ALMS1: variants seen among roughly 807,000 people sequenced by gnomAD.
ALMS1 encodes centrosome-associated protein ALMS1.
ALMS1 carries 271 observed loss-of-function variants against 352.2 expected under a neutral mutation model. The ratio of observed to expected loss-of-function variants is 0.77; its 90% CI spans 0.70 to 0.85. The LOEUF (loss-of-function observed/expected upper bound fraction) is 0.85, where lower values mean the gene tolerates loss of function less well. ALMS1 is among the 40% of genes least tolerant of loss of function. ALMS1 has a pLI of 0.00. For synonymous variants in ALMS1, 1,865 were observed against 1,761.2 expected, an observed-to-expected ratio of 1.06 and a Z score of -1.48; for missense variants, 5,445 against 4,870.7, an observed-to-expected ratio of 1.12 and a Z score of -3.51.
chr2:73,472,997 C>T (rs1369101060), intron 9 of ALMS1, among the ~76,000 whole-genome samples: 2 of 151,940 alleles, frequency 1.3e-5, no homozygotes, highest in Non-Finnish European at 2.9e-5. Flanking sequence ...CAGGAAGGAA[C>T]GGTTGAAAAG....
chr2:73,571,811 T>A (rs1449141094), intron 15 of ALMS1, among the ~76,000 whole-genome samples: 1 of 152,098 alleles, frequency 6.6e-6, no homozygotes, highest in Non-Finnish European at 1.5e-5. Flanking sequence ...TTTTAAAAAA[T>A]TTATCCATTT....
Position 73,452,041 on chromosome 2 carries a change from C to T in ALMS1, c.5514C>T (p.Asp1838=). The T allele has an allele frequency of 6.2e-7, 1 of 1,614,034 alleles. No individual in the cohort carries two copies. The highest frequency in any genetic ancestry group is 8.5e-7 in the Non-Finnish European group (1 of 1,179,980). ...TTTTAAGAGTTCCTGGACCAGCTGA[C>T]CAGAAGACTGGAATAAACATCCTGC... ...LKILRVPGPA[D]QKTGINILPS... Residue 1838 remains aspartate (D), a synonymous_variant, in exon 8 of 23, where the codon GAC becomes GAT. Coordinates refer to ENST00000613296, the MANE Select transcript of ALMS1 (RefSeq NM_001378454.1).
intron 10 of ALMS1, among the ~76,000 whole-genome samples, chr2:73,507,639 A>G (rs1160927440): frequency 1.3e-5 from 2 of 151,730 alleles, no homozygotes; most frequent in Non-Finnish European, 2.9e-5. Context: ...ATCATTTTTT[A>G]TTGTGTCTAT....
chr2:73,450,861 A>G lies in ALMS1; in HGVS notation c.4334A>G (p.His1445Arg), dbSNP rs1671921692. The change falls in exon 8 of 23, where the codon CAT (histidine) becomes CGT (arginine). Residue 1445 changes from histidine (H) to arginine (R), a missense_variant. Transcript: ENST00000613296. ...AGTTTCTACCAACAGGTCTTGCCAC[A>G]TAGTCATCTACCTGAAGAGGCTTTG... ...PGSFYQQVLPHSHLPEEALEV... is the reference protein window; with the variant it reads ...PGSFYQQVLPRSHLPEEALEV... 2 of 1,614,088 alleles carry G rather than the reference A, an allele frequency of 1.2e-6. No homozygotes were observed. Among genetic ancestry groups the G allele is most frequent in the Non-Finnish European group, 1.7e-6 (2 of 1,179,986 alleles).
chr2:73,546,134 C>A (rs544790371), intron 12 of ALMS1, among the ~76,000 whole-genome samples: 7 of 152,092 alleles, frequency 4.6e-5, no homozygotes, highest in African/African-American at 1.7e-4. Flanking sequence ...GTGATTTTGA[C>A]CCTCTATAGC....
chr2:73,588,778 C>G (rs1006229207), intron 16 of ALMS1, among the ~76,000 whole-genome samples: 6 of 152,064 alleles, frequency 3.9e-5, no homozygotes, highest in Admixed American at 3.3e-4. Flanking sequence ...AGAGAGACCT[C>G]CATGAGAAAA....
At chr2:73,564,330 G>A (rs72811949) in intron 15 of ALMS1, among the ~76,000 whole-genome samples, 21 of 152,002 alleles carry the variant, frequency 1.4e-4, no homozygotes, top group Non-Finnish European at 2.2e-4. Context: ...GCCGGGCATG[G>A]CGGTGCATGC....
chr2:73,432,101 ATATCT>A, intron 6 of ALMS1, 92 bp from the exon 7 acceptor site: 1 of 901,466 alleles, frequency 1.1e-6, no homozygotes, highest in Non-Finnish European at 1.8e-6. Context: ...TTTGAAATTA[ATATCT>A]TATTTTCTTC....
chr2:73,424,319 C>T, intron 4 of ALMS1, 111 bp from the exon 5 acceptor site: 1 of 726,664 alleles, frequency 1.4e-6, no homozygotes, highest in Non-Finnish European at 2.1e-6. Context: ...TTTTTCAATA[C>T]ACTTTTCAAA....
At chr2:73,477,822 C>T (rs114501882) in intron 9 of ALMS1, among the ~76,000 whole-genome samples, 5 of 152,270 alleles carry the variant, frequency 3.3e-5, no homozygotes, top group Non-Finnish European at 7.4e-5. Context: ...ATTGCACTGG[C>T]ATCCTGCAGC....
Position 73,572,581 on chromosome 2 carries a change from A to C in ALMS1, c.10704A>C (p.Arg3568Ser), listed in dbSNP as rs758987316. 1.1e-5 allele frequency: 17 copies of C among 1,613,944 alleles called. No individual in the cohort carries two copies. In the Admixed American group the frequency reaches 2.8e-4, roughly 27 times the overall value. ...TGGATACTACTAAAAGTCAAGTTAG[A>C]GATTATCCAAAACATAATGGACAAA... Reference protein sequence around the residue: ...EVMDTTKSQVRDYPKHNGQIS... With the variant: ...EVMDTTKSQVSDYPKHNGQIS... The change falls in exon 16 of 23, where the codon AGA (arginine) becomes AGC (serine). Residue 3568 changes from arginine (R) to serine (S), a missense_variant. Physicochemically the swap from Arg to Ser is moderately radical, Grantham distance 110. Transcript: ENST00000613296.
chr2:73,529,737 T>C (rs1423490108), intron 11 of ALMS1, among the ~76,000 whole-genome samples: 1 of 152,170 alleles, frequency 6.6e-6, no homozygotes, highest in Non-Finnish European at 1.5e-5. Context: ...GTATGCTACC[T>C]GAGACTGGTT....
At chr2:73,590,468 T>C (rs1490542113) in intron 16 of ALMS1, among the ~76,000 whole-genome samples, 1 of 152,188 alleles carries the variant, frequency 6.6e-6, no homozygotes, top group Non-Finnish European at 1.5e-5. Flanking sequence ...TGCAGTAAAA[T>C]TGAACTTAAC....
chr2:73,490,507 C>A lies in ALMS1; in HGVS notation c.8548C>A (p.Pro2850Thr). 1 of 1,614,140 alleles carries A rather than the reference C, an allele frequency of 6.2e-7. No homozygotes were observed. Among genetic ancestry groups the A allele is most frequent in the Non-Finnish European group, 8.5e-7 (1 of 1,180,018 alleles). ...DNHTLISMGR[P>T]SSTLGVNRSS... The stretch of plus-strand genomic sequence containing the variant: ...CCATACCCTTATTAGCATGGGCAGA[C>A]CAAGTTCCACCCTAGGAGTAAACAG... Residue 2850 changes from proline to threonine, a missense_variant, in exon 10 of 23, where the codon CCA becomes ACA. Coordinates refer to ENST00000613296, the MANE Select transcript of ALMS1 (RefSeq NM_001378454.1).
Position 73,554,573 on chromosome 2 carries a change from C to T in ALMS1, c.10079-2647C>T, listed in dbSNP as rs369920380. Among the ~76,000 whole-genome samples, 11 of 151,674 alleles carry T rather than the reference C, an allele frequency of 7.3e-5. No individual in the cohort carries two copies. The East Asian group carries it at 9.7e-4, about 13-fold the overall frequency. ...ACAAAAAAAAAAAAAATTAGCCGGG[C>T]GTGGTGGCGGGCGCCTGTAGTCCCA... On this transcript the variant is annotated intron_variant, in intron 13 of 22. Transcript: ENST00000613296.
At chr2:73,386,319 G>GCGGCCCAGACTC (rs1670530095) in intron 1 of ALMS1, 127 bp downstream of exon 1, 10 of 1,325,516 alleles carry the variant, frequency 7.5e-6, no homozygotes, top group Non-Finnish European at 9.9e-6. Flanking sequence ...AGGCTAGTAG[G>GCGGCCCAGACTC]CGGCCCAGAC....
chr2:73,595,287 T>A (rs902364031), intron 16 of ALMS1, among the ~76,000 whole-genome samples: 1 of 152,250 alleles, frequency 6.6e-6, no homozygotes, highest in Non-Finnish European at 1.5e-5. Flanking sequence ...AACATTTCTG[T>A]CGTTACCAAA....
intron 7 of ALMS1, among the ~76,000 whole-genome samples, chr2:73,443,933 T>G (rs993057812): frequency 1.3e-5 from 2 of 152,230 alleles, no homozygotes; most frequent in Non-Finnish European, 2.9e-5. Flanking sequence ...AGGCTGTCTC[T>G]GTGACTTGAA....
intron 1 of ALMS1, 73 bp downstream of exon 1, chr2:73,386,265 C>G (rs1670528250): frequency 1.4e-6 from 2 of 1,412,432 alleles, no homozygotes; most frequent in South Asian, 1.5e-5. Context: ...GCGCTCCGCC[C>G]GCCCGCAGGT....
Sources: gnomAD v4.1 joint callset for allele counts (sites outside exome capture counted in the v4.1 genomes callset) on GRCh38, gnomAD v4.1.1 for gene constraint, MANE v1.5 for transcripts, NCBI Gene and HGNC (gene_info 2026-07-23, HGNC 2026-07-21) for gene names.